KHDRBS2: variants seen among roughly 807,000 people sequenced by gnomAD.
The protein encoded by KHDRBS2 is KH RNA binding domain containing, signal transduction associated 2, also known as KH domain-containing, RNA-binding, signal transduction-associated protein 2.
KHDRBS2 carries 26 observed loss-of-function variants against 44.3 expected under a neutral mutation model. The observed-to-expected ratio is 0.59, with a 90% confidence interval of 0.43 to 0.81. The LOEUF (loss-of-function observed/expected upper bound fraction) is 0.81. Among genes scored for constraint, KHDRBS2 ranks in the 40% least tolerant of loss-of-function variants. KHDRBS2 has a pLI of 0.00. For synonymous variants in KHDRBS2, 194 were observed against 151.1 expected (o/e 1.28, Z -2.08); for missense variants, 476 against 433.1 (o/e 1.10, Z -0.88).
At chr6:61,826,562 C>T (rs547532830) in intron 6 of KHDRBS2, among the ~76,000 whole-genome samples, 1 of 152,096 alleles carries the variant, frequency 6.6e-6, no homozygotes, top group East Asian at 1.9e-4. Flanking sequence ...TTGAAATGGA[C>T]CCTTTGTTGA....
intron 4 of KHDRBS2, among the ~76,000 whole-genome samples, chr6:61,936,512 GT>G (rs1442735335): frequency 1.3e-5 from 2 of 151,644 alleles, no homozygotes; most frequent in Non-Finnish European, 2.9e-5. Flanking sequence ...TTCTTTTTAA[GT>G]TAGATTTTTT....
chr6:62,273,679 T>C (rs973008444), intron 1 of KHDRBS2, among the ~76,000 whole-genome samples: 1 of 152,134 alleles, frequency 6.6e-6, no homozygotes, highest in Non-Finnish European at 1.5e-5. Context: ...ATCACCTAGA[T>C]GCTAGTAAAA....
At chr6:61,757,577 T>A (rs1192027114) in intron 6 of KHDRBS2, among the ~76,000 whole-genome samples, 1 of 152,184 alleles carries the variant, frequency 6.6e-6, no homozygotes, top group African/African-American at 2.4e-5. Context: ...TTACATTTTG[T>A]GTGATTGTTG....
chr6:61,898,938 A>C (rs1803438176), intron 5 of KHDRBS2, among the ~76,000 whole-genome samples: 1 of 151,994 alleles, frequency 6.6e-6, no homozygotes, highest in East Asian at 1.9e-4. Flanking sequence ...TAATGAATGC[A>C]GACACTTGAT....
intron 4 of KHDRBS2, among the ~76,000 whole-genome samples, chr6:61,932,077 T>A (rs1810162152): frequency 6.6e-6 from 1 of 152,226 alleles, no homozygotes; most frequent in Non-Finnish European, 1.5e-5. Context: ...TTTGTGTTTA[T>A]GTTATTGGTA....
At chr6:62,035,023 C>G (rs774467542) in intron 3 of KHDRBS2, among the ~76,000 whole-genome samples, 1 of 151,920 alleles carries the variant, frequency 6.6e-6, no homozygotes, top group African/African-American at 2.4e-5. Flanking sequence ...AAAAGGGAAG[C>G]TTTGTACACC....
chr6:61,563,340 A>C, the KHDRBS2 span, among the ~76,000 whole-genome samples: 1 of 152,110 alleles, frequency 6.6e-6, no homozygotes, highest in African/African-American at 2.4e-5. Flanking sequence ...ATTTGGAAAG[A>C]CCATCTATGA....
rs558356414 is a variant in KHDRBS2, at chr6:62,033,566, G to C, written c.336+14312C>G. On this transcript the variant is annotated intron_variant, in intron 3 of 8. Coordinates refer to ENST00000281156, the MANE Select transcript of KHDRBS2 (RefSeq NM_152688.4). ...CAGAAGAGACTAGCTTAACATATTT[G>C]AAGTGCTGAAGAGAAAACACTTTTA... is the stretch of plus-strand genomic sequence containing the variant. 3.3e-5 allele frequency among the ~76,000 whole-genome samples: 5 copies of C among 151,660 alleles called. No homozygotes were observed. In the South Asian group the frequency reaches 1.0e-3, roughly 32 times the overall value.
At chr6:61,742,606 C>T (rs1035224187) in intron 6 of KHDRBS2, among the ~76,000 whole-genome samples, 1 of 151,720 alleles carries the variant, frequency 6.6e-6, no homozygotes, top group African/African-American at 2.4e-5. Context: ...TCTCTTTTTT[C>T]CCACTGAAAG....
At chr6:61,600,308 C>T in the KHDRBS2 span, among the ~76,000 whole-genome samples, 10 of 152,070 alleles carry the variant, frequency 6.6e-5, no homozygotes, top group Non-Finnish European at 1.2e-4. Flanking sequence ...CCTGCCTTAA[C>T]TGATGACAGT....
At chr6:61,841,685 A>G (rs1427144294) in intron 6 of KHDRBS2, among the ~76,000 whole-genome samples, 1 of 152,192 alleles carries the variant, frequency 6.6e-6, no homozygotes, top group East Asian at 1.9e-4. Flanking sequence ...TGGGCACGGT[A>G]TGAATCATTT....
chr6:62,153,393 T>C (rs1815649309), intron 2 of KHDRBS2, among the ~76,000 whole-genome samples: 1 of 152,132 alleles, frequency 6.6e-6, no homozygotes, highest in Admixed American at 6.5e-5. Flanking sequence ...GCATATTTCA[T>C]CTCAAATAGC....
intron 6 of KHDRBS2, among the ~76,000 whole-genome samples, chr6:61,857,710 A>G (rs1365733909): frequency 6.6e-6 from 1 of 152,000 alleles, no homozygotes; most frequent in Non-Finnish European, 1.5e-5. Context: ...AATTGATTGA[A>G]CAGTATGATC....
At chr6:61,887,334 C>G (rs1333104697) in intron 6 of KHDRBS2, among the ~76,000 whole-genome samples, 7 of 152,108 alleles carry the variant, frequency 4.6e-5, no homozygotes, top group Middle Eastern at 3.4e-3. Flanking sequence ...ATATTTTGTC[C>G]TATGGGAGTT....
At chr6:62,260,197 CA>C (rs1838112940) in intron 1 of KHDRBS2, among the ~76,000 whole-genome samples, 1 of 151,932 alleles carries the variant, frequency 6.6e-6, no homozygotes, top group African/African-American at 2.4e-5. Context: ...TAATAAGCAC[CA>C]GTTACCTGCC....
the KHDRBS2 span, among the ~76,000 whole-genome samples, chr6:61,628,484 A>C: frequency 6.6e-6 from 1 of 151,768 alleles, no homozygotes; most frequent in Non-Finnish European, 1.5e-5. Context: ...TCTCCTACGT[A>C]CCTCTTCAAC....
chr6:61,681,101 C>T, intron 8 of KHDRBS2, 41 bp from the exon 9 acceptor site: 1 of 1,359,374 alleles, frequency 7.4e-7, no homozygotes, highest in Non-Finnish European at 1.0e-6. Flanking sequence ...CATGACTTCA[C>T]AGTTACCAAA....
chr6:62,162,795 C>T (rs894515454), intron 2 of KHDRBS2, among the ~76,000 whole-genome samples: 14 of 152,006 alleles, frequency 9.2e-5, no homozygotes, highest in African/African-American at 2.9e-4. Flanking sequence ...TTGCCTGGCA[C>T]ATTGGATAGA....
chr6:61,778,593 T>C (rs1392590187), intron 6 of KHDRBS2, among the ~76,000 whole-genome samples: 2 of 152,168 alleles, frequency 1.3e-5, no homozygotes, highest in Non-Finnish European at 2.9e-5. Flanking sequence ...TGCCACGTGA[T>C]GCCATAATGG....
Sources: gnomAD v4.1 joint callset for allele counts (sites outside exome capture counted in the v4.1 genomes callset) on GRCh38, gnomAD v4.1.1 for gene constraint, MANE v1.5 for transcripts, NCBI Gene and HGNC (gene_info 2026-07-23, HGNC 2026-07-21) for gene names.